The following LHFPL3 variants were observed in gnomAD, a reference collection of about 807,000 sequenced individuals.
LHFPL3 encodes the protein LHFPL tetraspan subfamily member 3, also known as LHFPL tetraspan subfamily member 3 protein.
A neutral mutation model predicts 19.3 loss-of-function variants in LHFPL3; 5 were observed. That is an observed-to-expected ratio of 0.26 (90% CI 0.14 to 0.54). The LOEUF is 0.54. LHFPL3 is among the 20% of genes least tolerant of loss of function. The probability of loss-of-function intolerance (pLI) is 0.94; values close to 1 mark genes in which losing one functional copy is unlikely to be tolerated. For synonymous variants in LHFPL3, 133 were observed against 126.2 expected, an observed-to-expected ratio of 1.05 and a Z score of -0.36; for missense variants, 249 against 307.4, an observed-to-expected ratio of 0.81 and a Z score of 1.42.
intron 2 of LHFPL3, among the ~76,000 whole-genome samples, chr7:104,821,108 T>C (rs1027626552): frequency 4.6e-5 from 7 of 152,360 alleles, no homozygotes; most frequent in Non-Finnish European, 8.8e-5. Context: ...CTTTATTGCA[T>C]GCTTTCTGCT....
chr7:104,790,208 T>TG (rs1789995807), intron 2 of LHFPL3, among the ~76,000 whole-genome samples: 1 of 152,312 alleles, frequency 6.6e-6, no homozygotes, highest in East Asian at 1.9e-4. Context: ...CTTTAAGGGA[T>TG]GGGGGTCCTC....
intron 1 of LHFPL3, among the ~76,000 whole-genome samples, chr7:104,398,579 A>G (rs1791241873): frequency 6.6e-6 from 1 of 152,228 alleles, no homozygotes; most frequent in Non-Finnish European, 1.5e-5. Context: ...GTATTGTCTC[A>G]TTTAATTCTC....
intron 1 of LHFPL3, among the ~76,000 whole-genome samples, chr7:104,702,666 G>A (rs1285753225): frequency 2.0e-5 from 3 of 152,194 alleles, no homozygotes; most frequent in Non-Finnish European, 4.4e-5. Context: ...CCTGCAACAT[G>A]CACTCTTAAC....
chr7:104,526,734 A>G (rs773580879), intron 1 of LHFPL3, among the ~76,000 whole-genome samples: 33 of 152,210 alleles, frequency 2.2e-4, no homozygotes, highest in Non-Finnish European at 4.4e-4. Context: ...AATTCTAGAA[A>G]TGAGTTTGGC....
chr7:104,567,359 A>G (rs1395798268), intron 1 of LHFPL3, among the ~76,000 whole-genome samples: 1 of 152,130 alleles, frequency 6.6e-6, no homozygotes, highest in Non-Finnish European at 1.5e-5. Flanking sequence ...CTTGACAGAG[A>G]CTTCTTCAGG....
At chr7:104,524,996 T>G (rs1019043938) in intron 1 of LHFPL3, among the ~76,000 whole-genome samples, 1 of 152,232 alleles carries the variant, frequency 6.6e-6, no homozygotes, top group Non-Finnish European at 1.5e-5. Flanking sequence ...AAATGTGCTG[T>G]GACCATATGC....
chr7:104,564,376 A>T (rs1475850614), intron 1 of LHFPL3, among the ~76,000 whole-genome samples: 1 of 152,230 alleles, frequency 6.6e-6, no homozygotes, highest in African/African-American at 2.4e-5. Context: ...ACTAGGGTAG[A>T]TAAAACAGCC....
At chr7:104,669,945 A>G (rs537250046) in intron 1 of LHFPL3, among the ~76,000 whole-genome samples, 23 of 152,294 alleles carry the variant, frequency 1.5e-4, no homozygotes, top group African/African-American at 5.3e-4. Context: ...AGGGAGGTAG[A>G]AGGAAAAGTG....
intron 2 of LHFPL3, among the ~76,000 whole-genome samples, chr7:104,789,359 G>C (rs998128378): frequency 2.6e-5 from 4 of 152,256 alleles, no homozygotes; most frequent in African/African-American, 4.8e-5. Context: ...CAGGAAATAA[G>C]TGAGTTAGAA....
intron 1 of LHFPL3, among the ~76,000 whole-genome samples, chr7:104,669,752 G>C (rs1366103997): frequency 1.3e-5 from 2 of 152,104 alleles, no homozygotes; most frequent in African/African-American, 4.8e-5. Flanking sequence ...AGCCTTTAAA[G>C]TATTGAAGTA....
chr7:104,434,224 GT>G, intron 1 of LHFPL3, among the ~76,000 whole-genome samples: 1 of 152,314 alleles, frequency 6.6e-6, no homozygotes, highest in Non-Finnish European at 1.5e-5. Flanking sequence ...CAGGAAACTG[GT>G]ATGATAGAGC....
chr7:104,864,133 G>A (rs1460446269), intron 2 of LHFPL3, among the ~76,000 whole-genome samples: 1 of 152,186 alleles, frequency 6.6e-6, no homozygotes, highest in Non-Finnish European at 1.5e-5. Context: ...TTCTGTACAA[G>A]GGAGCCAAGA....
rs186209534 is a variant in LHFPL3 at position 104,528,062 on chromosome 7, C to T, written c.445+198838C>T. Among the ~76,000 whole-genome samples the T allele has an allele frequency of 4.6e-5, 7 of 152,208 alleles. No homozygotes were observed. In the East Asian group the frequency reaches 5.8e-4, roughly 13 times the overall value. ...AATTAATTAAACTCTGAAGAGGGTG[C>T]GAGATTCATGTGGAAGGCGAAAAAT... On this transcript the variant is annotated intron_variant, in intron 1 of 2. Coordinates refer to ENST00000424859, the MANE Select transcript of LHFPL3 (RefSeq NM_199000.3).
chr7:104,376,263 AGTG>A (rs1014207713), intron 1 of LHFPL3, among the ~76,000 whole-genome samples: 79 of 152,358 alleles, frequency 5.2e-4, no homozygotes, highest in African/African-American at 1.9e-3. Context: ...TGGGGAGTAT[AGTG>A]GTCAACAAAG....
intron 1 of LHFPL3, among the ~76,000 whole-genome samples, chr7:104,508,814 A>T (rs1479833126): frequency 2.0e-5 from 3 of 149,656 alleles, no homozygotes; most frequent in Non-Finnish European, 4.4e-5. Flanking sequence ...AAAAAGAGAA[A>T]ACCAAAGAGC....
At chr7:104,864,560 G>T (rs1365945185) in intron 2 of LHFPL3, among the ~76,000 whole-genome samples, 1 of 152,240 alleles carries the variant, frequency 6.6e-6, no homozygotes, top group East Asian at 1.9e-4. Flanking sequence ...GCAGCAGTGA[G>T]GCTGGGGGAG....
At chr7:104,535,104 A>G (rs1156551430) in intron 1 of LHFPL3, among the ~76,000 whole-genome samples, 1 of 152,216 alleles carries the variant, frequency 6.6e-6, no homozygotes, top group African/African-American at 2.4e-5. Context: ...CCAGCTGTTC[A>G]TTACTGCTAC....
chr7:104,785,446 C>T (rs574865172), intron 2 of LHFPL3: 13 of 152,374 alleles, frequency 8.5e-5, no homozygotes, highest in African/African-American at 3.1e-4. Flanking sequence ...CAACCCAACT[C>T]GAAGCTTCAA....
chr7:104,702,443 A>G (rs1206579809), intron 1 of LHFPL3, among the ~76,000 whole-genome samples: 2 of 152,194 alleles, frequency 1.3e-5, no homozygotes, highest in South Asian at 2.1e-4. Context: ...ACGATTCAGA[A>G]TAAGGCAAAA....
Sources: allele counts gnomAD v4.1 joint callset (sites outside exome capture counted in the v4.1 genomes callset), GRCh38; gene constraint gnomAD v4.1.1; transcripts MANE v1.5; gene names NCBI Gene and HGNC (gene_info 2026-07-23, HGNC 2026-07-21).